Variants in PTPRK observed in about 807,000 individuals in gnomAD.
The protein encoded by PTPRK is receptor-type tyrosine-protein phosphatase kappa.
PTPRK carries 75 observed loss-of-function variants against 178.0 expected under a neutral mutation model. The ratio of observed to expected loss-of-function variants is 0.42; its 90% CI spans 0.35 to 0.51. The LOEUF (loss-of-function observed/expected upper bound fraction) is 0.51, where lower values mean the gene tolerates loss of function less well. PTPRK is among the 20% of genes least tolerant of loss of function. The pLI is 0.02. For missense variants in PTPRK, 1,441 were observed against 1,797.8 expected (o/e 0.80, Z 3.59); for synonymous variants, 637 against 620.6 (o/e 1.03, Z -0.39).
intron 7 of PTPRK, among the ~76,000 whole-genome samples, chr6:128,153,359 T>C (rs1797541847): frequency 6.6e-6 from 1 of 151,892 alleles, no homozygotes; most frequent in African/African-American, 2.4e-5. Flanking sequence ...TGGGACATGG[T>C]TGAGAAAGCT....
chr6:127,981,394 G>C (rs1775324575), intron 24 of PTPRK, 105 bp from the exon 25 acceptor site: 3 of 971,036 alleles, frequency 3.1e-6, no homozygotes, highest in Admixed American at 2.6e-5. Flanking sequence ...TGAAGGATTT[G>C]TGCGAGGCAA....
chr6:128,010,630 C>G (rs948279730), intron 13 of PTPRK, among the ~76,000 whole-genome samples: 8 of 151,166 alleles, frequency 5.3e-5, no homozygotes, highest in Admixed American at 4.6e-4. Context: ...ATAAATATAT[C>G]TAATGTAAAT....
At chr6:128,493,589 C>CACA (rs1854199659) in intron 1 of PTPRK, among the ~76,000 whole-genome samples, 1 of 111,868 alleles carries the variant, frequency 8.9e-6, no homozygotes, top group African/African-American at 3.5e-5. Flanking sequence ...CCTCCCGCCC[C>CACA]CTACACACAC....
intron 10 of PTPRK, 85 bp from the exon 11 acceptor site, chr6:128,079,003 T>A: frequency 3.6e-6 from 3 of 828,628 alleles, no homozygotes; most frequent in Non-Finnish European, 3.8e-6. Context: ...AATCTTAAGT[T>A]AGGAAAAAAA....
At chr6:128,129,518 A>G (rs1161276992) in intron 7 of PTPRK, among the ~76,000 whole-genome samples, 1 of 152,254 alleles carries the variant, frequency 6.6e-6, no homozygotes, top group Non-Finnish European at 1.5e-5. Flanking sequence ...TTAGAAACAT[A>G]TTGCACACTA....
At chr6:128,238,549 C>T (rs980169268) in intron 5 of PTPRK, among the ~76,000 whole-genome samples, 2 of 152,120 alleles carry the variant, frequency 1.3e-5, no homozygotes, top group Non-Finnish European at 2.9e-5. Context: ...CTATATAGCT[C>T]ACAACTAAAG....
intron 7 of PTPRK, among the ~76,000 whole-genome samples, chr6:128,144,214 C>T (rs1006622848): frequency 1.3e-5 from 2 of 152,082 alleles, no homozygotes; most frequent in Non-Finnish European, 2.9e-5. Flanking sequence ...AAGCCCCTTC[C>T]CTGAATTGAG....
At chr6:128,068,479 AT>A (rs1782225458) in intron 11 of PTPRK, among the ~76,000 whole-genome samples, 2 of 152,250 alleles carry the variant, frequency 1.3e-5, no homozygotes, top group South Asian at 4.1e-4. Context: ...CATTTGGCCT[AT>A]TAAAGCTCTA....
chr6:128,282,765 A>G (rs994802979), intron 3 of PTPRK, among the ~76,000 whole-genome samples: 2 of 152,196 alleles, frequency 1.3e-5, no homozygotes, highest in Non-Finnish European at 2.9e-5. Context: ...GATTCTGTAA[A>G]GATTAATTAG....
intron 7 of PTPRK, among the ~76,000 whole-genome samples, chr6:128,116,609 C>T (rs1380962889): frequency 6.6e-6 from 1 of 152,204 alleles, no homozygotes; most frequent in Non-Finnish European, 1.5e-5. Context: ...ATCCACATCC[C>T]TATACCTATA....
At chr6:128,466,580 C>G (rs1849868513) in intron 1 of PTPRK, among the ~76,000 whole-genome samples, 1 of 152,070 alleles carries the variant, frequency 6.6e-6, no homozygotes, top group South Asian at 2.1e-4. Context: ...TAATAACTAG[C>G]AAGGGGGATA....
intron 13 of PTPRK, 69 bp downstream of exon 13, chr6:128,064,689 A>C: frequency 6.5e-7 from 1 of 1,540,914 alleles, no homozygotes. Flanking sequence ...TGAAGCAGGG[A>C]ACAAAGTCCT....
intron 3 of PTPRK, among the ~76,000 whole-genome samples, chr6:128,277,372 T>A (rs1820885552): frequency 6.6e-6 from 1 of 152,148 alleles, no homozygotes; most frequent in African/African-American, 2.4e-5. Context: ...TGAGATAAAA[T>A]ACGAAACTGT....
At chr6:128,212,804 C>T (rs1440239440) in intron 6 of PTPRK, among the ~76,000 whole-genome samples, 1 of 151,774 alleles carries the variant, frequency 6.6e-6, no homozygotes, top group Admixed American at 6.6e-5. Flanking sequence ...GAACTCTCAT[C>T]GCATTTTTAT....
At chr6:128,215,462 T>G (rs539906762) in intron 6 of PTPRK, among the ~76,000 whole-genome samples, 39 of 152,330 alleles carry the variant, frequency 2.6e-4, no homozygotes, top group African/African-American at 9.4e-4. Context: ...CTGCTCTGCA[T>G]CTCATCTCTA....
chr6:128,452,106 G>A (rs1847867383), intron 1 of PTPRK, among the ~76,000 whole-genome samples: 3 of 152,138 alleles, frequency 2.0e-5, no homozygotes. Flanking sequence ...ATGGCAGCTT[G>A]AGCCCTCTCC....
chr6:128,252,303 T>C (rs1216194974), intron 3 of PTPRK, among the ~76,000 whole-genome samples: 1 of 152,188 alleles, frequency 6.6e-6, no homozygotes, highest in Non-Finnish European at 1.5e-5. Context: ...CATTTCAGAG[T>C]GTATGCTAGT....
intron 1 of PTPRK, among the ~76,000 whole-genome samples, chr6:128,512,851 C>T (rs1194270391): frequency 2.0e-5 from 3 of 152,114 alleles, no homozygotes; most frequent in Admixed American, 1.3e-4. Context: ...TATAAATGAG[C>T]TCCTTACTAC....
intron 2 of PTPRK, among the ~76,000 whole-genome samples, chr6:128,327,690 G>C (rs1020736493): frequency 6.6e-6 from 1 of 152,158 alleles, no homozygotes; most frequent in African/African-American, 2.4e-5. Context: ...GAATTATTCA[G>C]AGTCCAATCA....
Sources: gnomAD v4.1 joint callset for allele counts (sites outside exome capture counted in the v4.1 genomes callset) on GRCh38, gnomAD v4.1.1 for gene constraint, MANE v1.5 for transcripts, NCBI Gene and HGNC (gene_info 2026-07-23, HGNC 2026-07-21) for gene names.